NKAIN2: variants seen among roughly 807,000 people sequenced by gnomAD.
The protein encoded by NKAIN2 is sodium/potassium transporting ATPase interacting 2.
In NKAIN2, 14 loss-of-function variants were observed where a neutral mutation model predicts 32.6. The observed-to-expected ratio is 0.43, with a 90% CI of 0.28 to 0.67. The LOEUF is 0.67. Ranked by LOEUF, NKAIN2 falls within the 30% of genes least tolerant of loss-of-function variation. The pLI, the probability that NKAIN2 is intolerant of heterozygous loss-of-function variation, is 0.17. For missense variants in NKAIN2, 198 were observed against 258.3 expected (o/e 0.77, Z 1.60); for synonymous variants, 80 against 87.2 (o/e 0.92, Z 0.46).
At chr6:124,792,846 G>C (rs949845843) in intron 5 of NKAIN2, among the ~76,000 whole-genome samples, 3 of 152,074 alleles carry the variant, frequency 2.0e-5, no homozygotes, top group African/African-American at 7.2e-5. Context: ...GTATGGGTGA[G>C]ATAGTAGAAA....
chr6:124,137,706 C>G (rs979869974), intron 1 of NKAIN2, among the ~76,000 whole-genome samples: 1 of 151,978 alleles, frequency 6.6e-6, no homozygotes, highest in African/African-American at 2.4e-5. Flanking sequence ...AGAAATAAAT[C>G]CAAATATTTA....
intron 3 of NKAIN2, among the ~76,000 whole-genome samples, chr6:124,517,887 G>A (rs903423718): frequency 5.3e-5 from 8 of 152,000 alleles, no homozygotes; most frequent in African/African-American, 1.9e-4. Flanking sequence ...ATTACATAAA[G>A]CTTTCTAGGA....
intron 1 of NKAIN2, among the ~76,000 whole-genome samples, chr6:124,117,866 A>G (rs1785690651): frequency 6.6e-6 from 1 of 151,482 alleles, no homozygotes; most frequent in African/African-American, 2.4e-5. Context: ...CACATTGAGT[A>G]AACTCCCATG....
intron 3 of NKAIN2, among the ~76,000 whole-genome samples, chr6:124,390,515 A>G (rs1773096314): frequency 6.6e-6 from 1 of 152,132 alleles, no homozygotes. Context: ...CCATCTGCAG[A>G]TGAAGATTTG....
intron 1 of NKAIN2, among the ~76,000 whole-genome samples, chr6:124,227,232 T>TTTGTGGA (rs1446547381): frequency 6.6e-6 from 1 of 152,062 alleles, no homozygotes; most frequent in Non-Finnish European, 1.5e-5. Flanking sequence ...GGACTGTGGA[T>TTTGTGGA]TTGTGGATTG....
At chr6:124,225,028 C>T (rs1792033683) in intron 1 of NKAIN2, among the ~76,000 whole-genome samples, 1 of 151,956 alleles carries the variant, frequency 6.6e-6, no homozygotes, top group African/African-American at 2.4e-5. Flanking sequence ...GATACATATC[C>T]TGTAGCTGCA....
intron 5 of NKAIN2, among the ~76,000 whole-genome samples, chr6:124,810,461 C>T (rs1003229759): frequency 7.2e-5 from 11 of 151,808 alleles, no homozygotes; most frequent in African/African-American, 1.5e-4. Flanking sequence ...GGAAGGGGAA[C>T]ATCACACTCT....
chr6:124,102,416 C>T lies in NKAIN2; in HGVS notation c.55-180589C>T, dbSNP rs148392616. Among the ~76,000 whole-genome samples the T allele has an allele frequency of 6.0e-4, 91 of 152,232 alleles. 1 individual carries two copies. The highest frequency in any genetic ancestry group is 2.0e-3 in the African/African-American group (81 of 41,526). On this transcript the variant is annotated intron_variant, in intron 1 of 6. Transcript: ENST00000368417. ...GCAAGTGTTAACTTATCTTGGAAAA[C>T]GAATAGTCTCATCTAAAAGGTGAAT...
chr6:124,718,736 G>A (rs982101924), intron 4 of NKAIN2, among the ~76,000 whole-genome samples: 5 of 152,042 alleles, frequency 3.3e-5, no homozygotes, highest in African/African-American at 1.2e-4. Flanking sequence ...TTTGCAACAT[G>A]TGCTGGCAGA....
intron 1 of NKAIN2, among the ~76,000 whole-genome samples, chr6:123,824,028 A>G (rs116518968): frequency 0.014 from 2,157 of 152,296 alleles, 43 homozygotes; most frequent in African/African-American, 0.046. Context: ...TAGATTTGCC[A>G]TTAACTGCAT....
chr6:124,813,400 AACAGAAGGAGGAATCT>A (rs1562399429), intron 5 of NKAIN2, among the ~76,000 whole-genome samples: 1 of 152,164 alleles, frequency 6.6e-6, no homozygotes, highest in Non-Finnish European at 1.5e-5. Flanking sequence ...GAGAACAAAT[AACAGAAGGAGGAATCT>A]ACAACCAATA....
intron 1 of NKAIN2, among the ~76,000 whole-genome samples, chr6:123,990,033 A>G (rs1779343753): frequency 6.6e-6 from 1 of 152,162 alleles, no homozygotes; most frequent in Admixed American, 6.5e-5. Flanking sequence ...TCATGGAGGG[A>G]AGGCAAATAA....
chr6:124,167,701 C>G (rs1303148152), intron 1 of NKAIN2, among the ~76,000 whole-genome samples: 1 of 152,080 alleles, frequency 6.6e-6, no homozygotes, highest in Non-Finnish European at 1.5e-5. Flanking sequence ...CCATCAGTAC[C>G]TAATTTATTG....
At chr6:124,295,748 A>G (rs1796019660) in intron 2 of NKAIN2, among the ~76,000 whole-genome samples, 1 of 152,150 alleles carries the variant, frequency 6.6e-6, no homozygotes, top group Non-Finnish European at 1.5e-5. Context: ...AACAATTCTC[A>G]GGGCACAATA....
intron 3 of NKAIN2, among the ~76,000 whole-genome samples, chr6:124,424,067 C>G (rs1270563355): frequency 1.3e-5 from 2 of 152,130 alleles, no homozygotes; most frequent in Admixed American, 1.3e-4. Context: ...ATTCTCGGCT[C>G]ACTGCAAGCT....
At chr6:123,937,992 C>CAGCTTCATGAGAAAACAAGCACAT (rs1776598149) in intron 1 of NKAIN2, among the ~76,000 whole-genome samples, 1 of 17,728 alleles carries the variant, frequency 5.6e-5, no homozygotes, top group African/African-American at 4.2e-4. Flanking sequence ...TGAACATACA[C>CAGCTTCATGAGAAAACAAGCACAT]GAAAAGGTCA....
intron 5 of NKAIN2, among the ~76,000 whole-genome samples, chr6:124,795,374 T>A (rs541702212): frequency 6.6e-6 from 1 of 152,056 alleles, no homozygotes; most frequent in Non-Finnish European, 1.5e-5. Flanking sequence ...CAGGAAGCAA[T>A]GGAGAGGGTT....
intron 1 of NKAIN2, among the ~76,000 whole-genome samples, chr6:124,180,839 G>A (rs1027422779): frequency 6.6e-6 from 1 of 152,140 alleles, no homozygotes; most frequent in African/African-American, 2.4e-5. Context: ...AATGCCTGTG[G>A]CTTTTCCAGG....
intron 3 of NKAIN2, among the ~76,000 whole-genome samples, chr6:124,552,093 T>C (rs900199522): frequency 3.9e-5 from 6 of 152,206 alleles, no homozygotes; most frequent in Non-Finnish European, 8.8e-5. Flanking sequence ...AAAGCACTGA[T>C]AACAGCTCTG....
Sources: gnomAD v4.1 joint callset for allele counts (sites outside exome capture counted in the v4.1 genomes callset) on GRCh38, gnomAD v4.1.1 for gene constraint, MANE v1.5 for transcripts, NCBI Gene and HGNC (gene_info 2026-07-23, HGNC 2026-07-21) for gene names.